Variants in DMD observed in about 807,000 individuals in gnomAD.
The protein encoded by DMD is mutant dystrophin.
Under a neutral mutation model 330.1 loss-of-function variants are expected in DMD, and 63 were observed. That is an observed-to-expected ratio of 0.19 (90% CI 0.16 to 0.24). DMD has a LOEUF of 0.24. DMD is among the 10% of genes least tolerant of loss of function. The probability of loss-of-function intolerance (pLI) is 1.00; values close to 1 mark genes in which losing one functional copy is unlikely to be tolerated. For missense variants in DMD, 3,344 were observed against 2,684.1 expected (o/e 1.25, Z -5.43); for synonymous variants, 1,223 against 959.8 (o/e 1.27, Z -5.07).
chrX:32,418,404 A>G (rs2098174689), intron 29 of DMD, among the ~76,000 whole-genome samples: 1 of 111,919 alleles, frequency 8.9e-6, no homozygotes, highest in South Asian at 3.7e-4. Flanking sequence ...AAAATGGAGC[A>G]TTATAGTAGT....
chrX:31,211,631 T>C (rs191056360), intron 64 of DMD, among the ~76,000 whole-genome samples: 1 of 112,400 alleles, frequency 8.9e-6, no homozygotes, highest in Admixed American at 9.4e-5. Context: ...TTTCATTTTA[T>C]GGGGCCTGCT....
In DMD at chrX:32,212,596, C is replaced by T. The variant is rs181115450; in HGVS notation, c.6438+4320G>A. On this transcript the variant is annotated intron_variant, in intron 44 of 78. Transcript: ENST00000357033. ...TCTTTCTGAGTCCAGCATTTAACCA[C>T]TTAACCCCCTTTCTAAACTTCTATT... is the stretch of plus-strand genomic sequence containing the variant. Among the ~76,000 whole-genome samples the T allele has an allele frequency of 1.3e-4, 15 of 112,010 alleles. No individual in the cohort carries two copies. The East Asian group carries it at 4.2e-3, about 32-fold the overall frequency.
chrX:32,241,573 G>A (rs769813475), intron 43 of DMD, among the ~76,000 whole-genome samples: 28 of 111,995 alleles, frequency 2.5e-4, no homozygotes, highest in South Asian at 7.5e-4. Flanking sequence ...CAACTATCCC[G>A]CAGCATCCAA....
intron 64 of DMD, 152 bp downstream of exon 64, chrX:31,222,895 T>C: frequency 4.0e-6 from 2 of 505,511 alleles, no homozygotes; most frequent in Non-Finnish European, 7.0e-6. Context: ...AGGCAAACTC[T>C]AGGCCAAGGA....
chrX:31,883,818 G>T (rs1372634697), intron 47 of DMD, among the ~76,000 whole-genome samples: 2 of 109,035 alleles, frequency 1.8e-5, no homozygotes, highest in Non-Finnish European at 3.8e-5. Context: ...TATCAGTATC[G>T]ACACACAGCA....
intron 47 of DMD, among the ~76,000 whole-genome samples, chrX:31,921,585 T>C (rs1445203681): frequency 8.9e-6 from 1 of 112,440 alleles, no homozygotes; most frequent in Non-Finnish European, 1.9e-5. Context: ...TCAGAGATGA[T>C]TTTGTGCTTG....
In DMD at chrX:32,668,962, A is replaced by C. The variant is rs143712183; in HGVS notation, c.961-23810T>G. Among the ~76,000 whole-genome samples, 769 of 111,438 alleles carry C rather than the reference A, an allele frequency of 6.9e-3. 7 individuals carry two copies. The highest frequency in any genetic ancestry group is 0.023 in the African/African-American group (708 of 30,684). Reference sequence around the variant, plus strand: ...TTTTTGTCCTGAAAAATCAACATTTATAGGTTGATACCACATATTTTATAT... The same window carrying C: ...TTTTTGTCCTGAAAAATCAACATTTCTAGGTTGATACCACATATTTTATAT... On this transcript the variant is annotated intron_variant, in intron 9 of 78. Transcript: ENST00000357033.
rs1017181520 is a variant in DMD, at chrX:32,161,695, A to G, written c.6438+55221T>C. Among the ~76,000 whole-genome samples the G allele has an allele frequency of 5.4e-5, 6 of 111,982 alleles. No individual in the cohort carries two copies. In the East Asian group the frequency reaches 1.1e-3, roughly 21 times the overall value. On this transcript the variant is annotated intron_variant, in intron 44 of 78. Transcript: ENST00000357033. ...TTTGAAAAGTTGAGTTAATTGAATT[A>G]GGAAGCCTGTTATAAAGAATAAGCC...
At chrX:32,593,471 C>G (rs751282770) in intron 13 of DMD, among the ~76,000 whole-genome samples, 2 of 111,720 alleles carry the variant, frequency 1.8e-5, no homozygotes, top group East Asian at 5.6e-4. Context: ...CCATGCCTAC[C>G]TGCCTATCAT....
chrX:33,328,309 T>C (rs1326273877), intron 1 of DMD, among the ~76,000 whole-genome samples: 1 of 110,971 alleles, frequency 9.0e-6, no homozygotes, highest in Non-Finnish European at 1.9e-5. Context: ...GTTCAAGCGA[T>C]TCTTCTGCCT....
chrX:32,087,237 C>T lies in DMD; in HGVS notation c.6439-118723G>A, dbSNP rs1292063167. ...AGAAAAATAATAAAATGGATGTTGA[C>T]GGTATTTCCCAGAAGAATTAACAAA... On this transcript the variant is annotated intron_variant, in intron 44 of 78. Coordinates refer to ENST00000357033, the MANE Select transcript of DMD (RefSeq NM_004006.3). Among the ~76,000 whole-genome samples, 3 of 111,571 alleles carry T rather than the reference C, an allele frequency of 2.7e-5. No homozygotes were observed. In the East Asian group the frequency reaches 8.5e-4, roughly 32 times the overall value.
intron 11 of DMD, among the ~76,000 whole-genome samples, chrX:32,643,856 G>T (rs1450926390): frequency 9.0e-6 from 1 of 111,697 alleles, no homozygotes; most frequent in Non-Finnish European, 1.9e-5. Context: ...ATGTTTGGAG[G>T]AAAACCTAGA....
intron 52 of DMD, among the ~76,000 whole-genome samples, chrX:31,706,172 A>G (rs73210135): frequency 6.4e-5 from 7 of 109,223 alleles, no homozygotes; most frequent in Non-Finnish European, 1.3e-4. Context: ...AAGCAAAACC[A>G]GACAGGAAAC....
At chrX:33,242,513 G>C (rs1486880435) in intron 1 of DMD, among the ~76,000 whole-genome samples, 1 of 111,940 alleles carries the variant, frequency 8.9e-6, no homozygotes, top group East Asian at 2.8e-4. Context: ...CTTTGGGTTG[G>C]TTCCACGATT....
intron 2 of DMD, among the ~76,000 whole-genome samples, chrX:33,001,423 C>G (rs1953236914): frequency 8.9e-6 from 1 of 111,855 alleles, no homozygotes; most frequent in Admixed American, 9.5e-5. Flanking sequence ...GTCTATAAGT[C>G]TGACTATATG....
chrX:31,351,492 G>A (rs1044142358), intron 60 of DMD, among the ~76,000 whole-genome samples: 5 of 109,916 alleles, frequency 4.5e-5, no homozygotes, highest in African/African-American at 1.3e-4. Flanking sequence ...TTGGGAGGCC[G>A]AGGCAGGCGG....
intron 46 of DMD, 67 bp from the exon 47 acceptor site, chrX:31,929,812 C>T (rs2094830349): frequency 8.6e-7 from 1 of 1,162,447 alleles, no homozygotes; most frequent in Non-Finnish European, 1.2e-6. Context: ...CTTGTCTTTG[C>T]TTCTATTGAT....
At chrX:31,226,722 C>T (rs1362163851) in intron 63 of DMD, among the ~76,000 whole-genome samples, 1 of 111,734 alleles carries the variant, frequency 8.9e-6, no homozygotes, top group Non-Finnish European at 1.9e-5. Flanking sequence ...TTCCTGTCCT[C>T]CCCTCCAGAT....
rs146676192 is a variant in DMD at position 32,838,886 on chromosome X, A to C, written c.264+5897T>G. ...GTGTGGTGATTCCTCAAGGATCTGG[A>C]ACTAGAAATACCATTTGACCCAGCA... On this transcript the variant is annotated intron_variant, in intron 4 of 78. Coordinates refer to ENST00000357033, the MANE Select transcript of DMD (RefSeq NM_004006.3). Among the ~76,000 whole-genome samples, 122 of 111,945 alleles carry C rather than the reference A, an allele frequency of 1.1e-3. 1 individual carries two copies. Among genetic ancestry groups the C allele is most frequent in the African/African-American group, 3.6e-3 (112 of 30,822 alleles).
Sources: allele counts gnomAD v4.1 joint callset (sites outside exome capture counted in the v4.1 genomes callset), GRCh38; gene constraint gnomAD v4.1.1; transcripts MANE v1.5; gene names NCBI Gene and HGNC (gene_info 2026-07-23, HGNC 2026-07-21).